The following KIRREL3 variants were observed in gnomAD, a reference collection of about 807,000 sequenced individuals.
KIRREL3 encodes kin of IRRE-like protein 3.
KIRREL3 carries 36 observed loss-of-function variants against 89.7 expected under a neutral mutation model. That is an observed-to-expected ratio of 0.40 (90% CI 0.31 to 0.53). KIRREL3 has a LOEUF of 0.53. Among genes scored for constraint, KIRREL3 ranks in the 20% least tolerant of loss-of-function variants. The pLI, the probability that KIRREL3 is intolerant of heterozygous loss-of-function variation, is 0.49. For missense variants in KIRREL3, 864 were observed against 1,056.6 expected (o/e 0.82, Z 2.53); for synonymous variants, 445 against 441.4 (o/e 1.01, Z -0.10).
In KIRREL3 at chr11:126,516,411, C is replaced by T. The variant is rs150095326; in HGVS notation, c.433+4904G>A. On this transcript the variant is annotated intron_variant, in intron 4 of 16. Coordinates refer to ENST00000525144, the MANE Select transcript of KIRREL3 (RefSeq NM_032531.4). The surrounding 1 kb of genome is among the most constrained non-coding windows in gnomAD (Gnocchi z 4.9). ...CCATCCTGCTCTACTTTTTCCTTTC[C>T]GTAGCATTTATTACCACCTCACATC... Among the ~76,000 whole-genome samples, 446 of 152,214 alleles carry T rather than the reference C, an allele frequency of 2.9e-3. 2 individuals carry two copies. The highest frequency in any genetic ancestry group is 9.7e-3 in the African/African-American group (404 of 41,540).
intron 2 of KIRREL3, among the ~76,000 whole-genome samples, chr11:126,532,757 C>G (rs1958982838): frequency 6.6e-6 from 1 of 152,024 alleles, no homozygotes; most frequent in African/African-American, 2.4e-5. Flanking sequence ...TGTGTAGGCT[C>G]CTCTTCACCT....
chr11:126,923,220 T>C lies in KIRREL3; in HGVS notation c.55+77235A>G, dbSNP rs1209828762. On this transcript the variant is annotated intron_variant, in intron 1 of 16. Coordinates refer to ENST00000525144, the MANE Select transcript of KIRREL3 (RefSeq NM_032531.4). ...CTTCTTCTTCTTCTTCTTCTTCTTCTTCTTCTTCTTCTTCTTCTTCTTCTT... is the reference window on the plus strand; with the variant it reads ...CTTCTTCTTCTTCTTCTTCTTCTTCCTCTTCTTCTTCTTCTTCTTCTTCTT... 1.1e-4 allele frequency among the ~76,000 whole-genome samples: 3 copies of C among 27,512 alleles called. 1 individual carries two copies. The highest frequency in any genetic ancestry group is 2.2e-4 in the Non-Finnish European group (3 of 13,558). The allele number at this position is 27,512 out of a possible 152,430, so 18.0% of individuals were successfully genotyped here.
intron 1 of KIRREL3, among the ~76,000 whole-genome samples, chr11:126,913,210 C>T (rs547889847): frequency 1.3e-5 from 2 of 152,262 alleles, no homozygotes; most frequent in South Asian, 4.1e-4. Flanking sequence ...ACAAGGTTTT[C>T]CAAATATGGT....
rs1158663792 is a variant in KIRREL3 at position 126,607,981 on chromosome 11, C to A, written c.56-45069G>T. Among the ~76,000 whole-genome samples, 1 of 152,202 alleles carries A rather than the reference C, an allele frequency of 6.6e-6. No individual in the cohort carries two copies. Among genetic ancestry groups the A allele is most frequent in the Non-Finnish European group, 1.5e-5 (1 of 68,032 alleles). On this transcript the variant is annotated intron_variant, in intron 1 of 16. Transcript: ENST00000525144. This position sits in a 1 kb window ranked among gnomAD's most constrained non-coding sequence, Gnocchi z 6.6. ...TCGCAGCAAGGGCCCGAGGAACGAGCACGTCAGCTGTCTCCAGGGCCTTTC... is the reference window on the plus strand; with the variant it reads ...TCGCAGCAAGGGCCCGAGGAACGAGAACGTCAGCTGTCTCCAGGGCCTTTC...
chr11:126,819,137 C>A (rs879446132), intron 1 of KIRREL3, among the ~76,000 whole-genome samples: 28 of 152,100 alleles, frequency 1.8e-4, no homozygotes, highest in Non-Finnish European at 3.2e-4. Flanking sequence ...AGATGCAAGA[C>A]TTGTAGATAT....
Position 126,812,791 on chromosome 11 carries a change from G to A in KIRREL3, c.55+187664C>T, listed in dbSNP as rs949835284. Among the ~76,000 whole-genome samples, 4 of 152,154 alleles carry A rather than the reference G, an allele frequency of 2.6e-5. No homozygotes were observed. The highest frequency in any genetic ancestry group is 4.8e-5 in the African/African-American group (2 of 41,430). ...ATGCATTTCAATCAACTTCTACAAT[G>A]ATCCAATTTCTGGGTCTGGCTCTGT... On this transcript the variant is annotated intron_variant, in intron 1 of 16. Transcript: ENST00000525144. This position sits in a 1 kb window ranked among gnomAD's most constrained non-coding sequence, Gnocchi z 5.2.
At chr11:126,584,262 C>T (rs867248698) in intron 1 of KIRREL3, among the ~76,000 whole-genome samples, 52 of 152,122 alleles carry the variant, frequency 3.4e-4, no homozygotes, top group Admixed American at 5.9e-4. Flanking sequence ...AGTTGGTGCC[C>T]CGGAATTAGG....
rs894940057 is a variant in KIRREL3 at position 126,656,094 on chromosome 11, A to G, written c.56-93182T>C. On this transcript the variant is annotated intron_variant, in intron 1 of 16. Coordinates refer to ENST00000525144, the MANE Select transcript of KIRREL3 (RefSeq NM_032531.4). This position sits in a 1 kb window ranked among gnomAD's most constrained non-coding sequence, Gnocchi z 4.0. ...TAGATTCTGGGACTATACCTTATCT[A>G]TGCTGTGCAAAGGAATAAGAAACTA... 7 of 455,698 alleles carry G rather than the reference A, an allele frequency of 1.5e-5. No homozygotes were observed. The highest frequency in any genetic ancestry group is 1.4e-4 in the African/African-American group (7 of 50,014). The allele number at this position is 455,698 out of a possible 1,614,324, so 28.2% of individuals were successfully genotyped here. A position where few individuals can be genotyped will look rare whatever the true frequency, so the allele number is the denominator to read the frequency against.
rs1278802879 is a variant in KIRREL3, at chr11:126,436,930, C to A, written c.1433G>T (p.Gly478Val). 1 of 1,612,708 alleles carries A rather than the reference C, an allele frequency of 6.2e-7. No individual in the cohort carries two copies. The highest frequency in any genetic ancestry group is 2.2e-5 in the East Asian group (1 of 44,884). Residue 478 changes from glycine (G) to valine (V), a missense_variant, in exon 12 of 17, where the codon GGC (glycine) becomes GTC (valine). By Grantham distance (109) the Gly-to-Val change is moderately radical. Transcript: ENST00000525144. ...GCTGATGGTCAGGGTGGAGATGACGCCCTCCTCGGTGCTGATGGTCTCCAC... is the reference window on the plus strand; with the variant it reads ...GCTGATGGTCAGGGTGGAGATGACGACCTCCTCGGTGCTGATGGTCTCCAC... ...YTVETISTEEGVISTLTISNI... is the reference protein window; with the variant it reads ...YTVETISTEEVVISTLTISNI...
chr11:126,623,128 A>C lies in KIRREL3; in HGVS notation c.56-60216T>G, dbSNP rs942213917. Among the ~76,000 whole-genome samples, 22 of 152,224 alleles carry C rather than the reference A, an allele frequency of 1.4e-4. No homozygotes were observed. The highest frequency in any genetic ancestry group is 5.3e-4 in the African/African-American group (22 of 41,462). Reference sequence around the variant, plus strand: ...AGACTTTGGCTCCACTTTAGACATAAGAAAACAGAAATAGGTCATCATTTG... The same window carrying C: ...AGACTTTGGCTCCACTTTAGACATACGAAAACAGAAATAGGTCATCATTTG... On this transcript the variant is annotated intron_variant, in intron 1 of 16. Transcript: ENST00000525144. The surrounding 1 kb of genome is among the most constrained non-coding windows in gnomAD (Gnocchi z 4.1).
rs1945322773 is a variant in KIRREL3 at position 126,877,139 on chromosome 11, G to A, written c.55+123316C>T. ...TTCCAAATGAGAAAGAGGAGGACAA[G>A]CAGACGTTCAGCTCTGTTAAGAGAC... On this transcript the variant is annotated intron_variant, in intron 1 of 16. Transcript: ENST00000525144. This position sits in a 1 kb window ranked among gnomAD's most constrained non-coding sequence, Gnocchi z 4.9. Among the ~76,000 whole-genome samples the A allele has an allele frequency of 6.6e-6, 1 of 152,158 alleles. No individual in the cohort carries two copies. The highest frequency in any genetic ancestry group is 1.5e-5 in the Non-Finnish European group (1 of 68,038).
In KIRREL3 at chr11:126,812,834, A is replaced by G. The variant is rs1454881176; in HGVS notation, c.55+187621T>C. 6.6e-6 allele frequency among the ~76,000 whole-genome samples: 1 copy of G among 152,132 alleles called. No homozygotes were observed. The highest frequency in any genetic ancestry group is 1.5e-5 in the Non-Finnish European group (1 of 68,028). On this transcript the variant is annotated intron_variant, in intron 1 of 16. Coordinates refer to ENST00000525144, the MANE Select transcript of KIRREL3 (RefSeq NM_032531.4). The surrounding 1 kb of genome is among the most constrained non-coding windows in gnomAD (Gnocchi z 5.2). ...GGCTCTGTTTCTCTATTTCCCAGTT[A>G]CTTGCCCAAGAACATGGCTCCATCT...
At chr11:126,630,920 C>T (rs1943992995) in intron 1 of KIRREL3, among the ~76,000 whole-genome samples, 1 of 152,168 alleles carries the variant, frequency 6.6e-6, no homozygotes, top group Non-Finnish European at 1.5e-5. Context: ...CTTCCCACTC[C>T]ACCCGAGTCA....
rs1195075638 is a variant in KIRREL3 at position 126,897,684 on chromosome 11, T to C, written c.55+102771A>G. 1.3e-5 allele frequency among the ~76,000 whole-genome samples: 2 copies of C among 152,234 alleles called. No homozygotes were observed. Among genetic ancestry groups the C allele is most frequent in the Admixed American group, 6.5e-5 (1 of 15,282 alleles). ...TATTTTCTGAAGATAGATAATTTGG[T>C]TAAATCTTTTCCACTTTGATTTCAT... On this transcript the variant is annotated intron_variant, in intron 1 of 16. Transcript: ENST00000525144. The surrounding 1 kb of genome is among the most constrained non-coding windows in gnomAD (Gnocchi z 4.2).
intron 1 of KIRREL3, among the ~76,000 whole-genome samples, chr11:126,929,551 CA>C (rs1947853530): frequency 6.6e-6 from 1 of 152,056 alleles, no homozygotes; most frequent in Non-Finnish European, 1.5e-5. Flanking sequence ...CACCAAATAC[CA>C]AAAGCCAAAT....
rs141226201 is a variant in KIRREL3 at position 126,912,460 on chromosome 11, C to T, written c.55+87995G>A. Among the ~76,000 whole-genome samples the T allele has an allele frequency of 4.1e-3, 627 of 152,310 alleles. 8 individuals are homozygous for T. The highest frequency in any genetic ancestry group is 3.1e-3 in the Non-Finnish European group (211 of 68,012). On this transcript the variant is annotated intron_variant, in intron 1 of 16. Transcript: ENST00000525144. This position sits in a 1 kb window ranked among gnomAD's most constrained non-coding sequence, Gnocchi z 4.7. ...ATTCCTCCAGCTGGTTCAGCACTTC[C>T]GATGGCTCCAGTCCTAAGCACCCCT...
intron 1 of KIRREL3, among the ~76,000 whole-genome samples, chr11:126,887,784 A>T (rs1945755637): frequency 6.6e-6 from 1 of 152,244 alleles, no homozygotes. Flanking sequence ...AACCAATGTA[A>T]GTATTACTTT....
chr11:126,533,162 T>A lies in KIRREL3; in HGVS notation c.134-6475A>T, dbSNP rs61147936. On this transcript the variant is annotated intron_variant, in intron 2 of 16. Coordinates refer to ENST00000525144, the MANE Select transcript of KIRREL3 (RefSeq NM_032531.4). ...CATATAATAAAAGCTTTACCTGGAT[T>A]ATTTTATTGACTCACTAAAGAGTCC... Among the ~76,000 whole-genome samples, 940 of 152,294 alleles carry A rather than the reference T, an allele frequency of 6.2e-3. 11 individuals are homozygous for A. Among genetic ancestry groups the A allele is most frequent in the African/African-American group, 0.021 (883 of 41,550 alleles).
rs1292857756 is a variant in KIRREL3 at position 126,837,522 on chromosome 11, T to C, written c.55+162933A>G. 6.6e-6 allele frequency among the ~76,000 whole-genome samples: 1 copy of C among 152,184 alleles called. No individual in the cohort carries two copies. Among genetic ancestry groups the C allele is most frequent in the Non-Finnish European group, 1.5e-5 (1 of 68,036 alleles). On this transcript the variant is annotated intron_variant, in intron 1 of 16. Coordinates refer to ENST00000525144, the MANE Select transcript of KIRREL3 (RefSeq NM_032531.4). This position sits in a 1 kb window ranked among gnomAD's most constrained non-coding sequence, Gnocchi z 4.7. ...ATAATTACGAGGGAATCGGATCTTG[T>C]CTAGGACACAGGTCCAGATTTAAAA...
Sources: allele counts gnomAD v4.1 joint callset (sites outside exome capture counted in the v4.1 genomes callset), GRCh38; gene constraint gnomAD v4.1.1; non-coding constraint Gnocchi (gnomAD v3.1); transcripts MANE v1.5; gene names NCBI Gene and HGNC (gene_info 2026-07-23, HGNC 2026-07-21).